The following C8orf76 variants were observed in gnomAD, a reference collection of about 807,000 sequenced individuals.
C8orf76 encodes the protein chromosome 8 open reading frame 76, also known as uncharacterized protein C8orf76.
C8orf76 carries 46 observed loss-of-function variants against 38.1 expected under a neutral mutation model. That is an observed-to-expected ratio of 1.21 (90% confidence interval 0.95 to 1.54). The LOEUF is 1.54. Ranked by LOEUF, C8orf76 falls within the 40% of genes most tolerant of loss-of-function variation. C8orf76 has a pLI of 0.00. For missense variants in C8orf76, 461 were observed against 441.6 expected (o/e 1.04, Z -0.39); for synonymous variants, 166 against 167.5 (o/e 0.99, Z 0.07).
intron 5 of C8orf76, among the ~76,000 whole-genome samples, chr8:123,220,915 C>G (rs905816972): frequency 1.3e-5 from 2 of 152,226 alleles, no homozygotes; most frequent in East Asian, 1.9e-4. Context: ...ACTAAGTAAG[C>G]AGACTGACCT....
intron 5 of C8orf76, among the ~76,000 whole-genome samples, chr8:123,222,095 TCTC>T (rs1248456748): frequency 6.6e-6 from 1 of 152,116 alleles, no homozygotes; most frequent in Non-Finnish European, 1.5e-5. Flanking sequence ...TCGAAGCTAT[TCTC>T]CTGCCTCAGC....
chr8:123,222,115 A>G (rs921935326), intron 5 of C8orf76, among the ~76,000 whole-genome samples: 1 of 152,120 alleles, frequency 6.6e-6, no homozygotes, highest in Non-Finnish European at 1.5e-5. Context: ...CAGCCTCCCA[A>G]GTAGCTGGGA....
chr8:123,236,970 C>T (rs1193223478), intron 3 of C8orf76: 28 of 1,549,968 alleles, frequency 1.8e-5, no homozygotes, highest in African/African-American at 4.1e-5. Context: ...CTGATACTTG[C>T]GGGCAAACAG....
chr8:123,237,974 G>C (rs1267521227), intron 2 of C8orf76, 33 bp from the exon 3 acceptor site: 9 of 1,594,290 alleles, frequency 5.6e-6, no homozygotes, highest in Non-Finnish European at 7.7e-6. Context: ...AGAAATGAAA[G>C]GAGGAAAACA....
chr8:123,229,226 A>G (rs1209580910), intron 4 of C8orf76, among the ~76,000 whole-genome samples: 1 of 152,238 alleles, frequency 6.6e-6, no homozygotes. Flanking sequence ...TGAGCAAGAT[A>G]AGCTGAAAGA....
intron 1 of C8orf76, among the ~76,000 whole-genome samples, chr8:123,240,190 G>C (rs763596183): frequency 6.6e-6 from 1 of 152,002 alleles, no homozygotes; most frequent in Non-Finnish European, 1.5e-5. Context: ...AGTGGTTAAA[G>C]CCAACACTGG....
chr8:123,237,049 C>T (rs1825519828), intron 3 of C8orf76: 1 of 1,327,110 alleles, frequency 7.5e-7, no homozygotes, highest in Non-Finnish European at 1.1e-6. Context: ...TGGTGCTGCG[C>T]CTGCGAGGTG....
In C8orf76 at chr8:123,231,559, C is replaced by G. The variant is rs144219967; in HGVS notation, c.556G>C (p.Ala186Pro). 3.7e-4 allele frequency: 599 copies of G among 1,614,224 alleles called. No individual in the cohort carries two copies. Among genetic ancestry groups the G allele is most frequent in the Non-Finnish European group, 4.8e-4 (561 of 1,180,048 alleles). ...AAACTGTGCTGTTTCTGAGATGACG[C>G]AAGTGCTGCTGAAAGAGCTGGCCCC... ...NLGPALSAAL[A>P]SSQKQHSFTS... The change falls in exon 4 of 6, where the codon GCG (alanine) becomes CCG (proline). Residue 186 changes from alanine (A) to proline (P), a missense_variant. Physicochemically the swap from Ala to Pro is conservative, Grantham distance 27. Coordinates refer to ENST00000276704, the MANE Select transcript of C8orf76 (RefSeq NM_032847.3).
At chr8:123,239,938 C>CCCGA (rs1825625754) in intron 1 of C8orf76, 1 of 150,454 alleles carries the variant, frequency 6.6e-6, no homozygotes, top group Non-Finnish European at 1.5e-5. Flanking sequence ...GTTGGGGTGA[C>CCCGA]CCGAGATCGC....
chr8:123,224,577 G>A (rs922902473), intron 5 of C8orf76, among the ~76,000 whole-genome samples: 2 of 152,168 alleles, frequency 1.3e-5, no homozygotes, highest in African/African-American at 4.8e-5. Context: ...ATGCACTGCA[G>A]CCTAGCCTGA....
At position 123,220,228 on chromosome 8, in the gene C8orf76, C is replaced by T. The variant is rs1042556151; in HGVS notation, c.1018G>A (p.Val340Ile). The T allele has an allele frequency of 4.3e-6, 7 of 1,613,612 alleles. No individual in the cohort carries two copies. The highest frequency in any genetic ancestry group is 4.5e-5 in the East Asian group (2 of 44,854). ...ACAGTCACCAAGGCAGTCAGGGCTA[C>T]GGAGCCAACACACTTCACCTCTGGG... The part of the protein sequence containing the change: ...VHPEVKCVGS[V>I]ALTALVTVSS... The change falls in exon 6 of 6, where the codon GTA becomes ATA. Residue 340 changes from valine (V) to isoleucine (I), a missense_variant. Coordinates refer to ENST00000276704, the MANE Select transcript of C8orf76 (RefSeq NM_032847.3).
chr8:123,236,247 TCG>T (rs1219793724), intron 3 of C8orf76, among the ~76,000 whole-genome samples: 1 of 152,176 alleles, frequency 6.6e-6, no homozygotes, highest in African/African-American at 2.4e-5. Flanking sequence ...GCTGATCTGA[TCG>T]CTGGGCGGTA....
In C8orf76 at chr8:123,226,078, A is replaced by C. The variant is rs113294681; in HGVS notation, c.948+422T>G. Reference sequence around the variant, plus strand: ...AAGCTCCAGACCAGCTCTCCCACTGAAAATCTGACCGCAGGCAAGTCACAA... The same window carrying C: ...AAGCTCCAGACCAGCTCTCCCACTGCAAATCTGACCGCAGGCAAGTCACAA... On this transcript the variant is annotated intron_variant, in intron 5 of 5. Coordinates refer to ENST00000276704, the MANE Select transcript of C8orf76 (RefSeq NM_032847.3). The C allele has an allele frequency of 2.3e-3, 2,111 of 916,592 alleles. 1 individual carries two copies. The highest frequency in any genetic ancestry group is 2.6e-3 in the Non-Finnish European group (1,977 of 761,596). 56.8% of individuals were successfully genotyped at this position (916,592 alleles called of 1,614,324 possible).
intron 5 of C8orf76, among the ~76,000 whole-genome samples, chr8:123,222,791 T>C (rs1263761359): frequency 1.3e-5 from 2 of 152,210 alleles, no homozygotes; most frequent in Non-Finnish European, 2.9e-5. Context: ...GTAATATTAT[T>C]AAGTTAAATT....
At chr8:123,238,973 T>C in intron 2 of C8orf76, 76 bp downstream of exon 2, 1 of 1,439,952 alleles carries the variant, frequency 6.9e-7, no homozygotes, top group East Asian at 2.3e-5. Flanking sequence ...CCACACTAAC[T>C]TGGTACACTG....
chr8:123,225,166 C>T (rs766707087), intron 5 of C8orf76, among the ~76,000 whole-genome samples: 6 of 152,088 alleles, frequency 3.9e-5, no homozygotes, highest in African/African-American at 1.4e-4. Context: ...CCACCTCAAC[C>T]GGCTAGTTTT....
chr8:123,231,887 C>T, intron 3 of C8orf76, 130 bp from the exon 4 acceptor site: 1 of 963,526 alleles, frequency 1.0e-6, no homozygotes, highest in Non-Finnish European at 1.5e-6. Flanking sequence ...TACGAGTGAC[C>T]TAAATATATT....
intron 4 of C8orf76, among the ~76,000 whole-genome samples, chr8:123,229,715 C>A (rs907423198): frequency 3.9e-5 from 6 of 152,204 alleles, no homozygotes; most frequent in African/African-American, 1.4e-4. Flanking sequence ...CCACTGAATA[C>A]ATTTTAAAAT....
chr8:123,241,076 C>T (rs749588079), intron 1 of C8orf76, among the ~76,000 whole-genome samples, 154 bp downstream of exon 1: 48 of 152,328 alleles, frequency 3.2e-4, no homozygotes, highest in Admixed American at 9.8e-4. Context: ...AGCCGCTTCC[C>T]CGTGGAGGAG....
Sources: allele counts gnomAD v4.1 joint callset (sites outside exome capture counted in the v4.1 genomes callset), GRCh38; gene constraint gnomAD v4.1.1; transcripts MANE v1.5; gene names NCBI Gene and HGNC (gene_info 2026-07-23, HGNC 2026-07-21).